The following ELMO1 variants were observed in gnomAD, a reference collection of about 807,000 sequenced individuals.
The protein encoded by ELMO1 is engulfment and cell motility protein 1.
A neutral mutation model predicts 98.9 loss-of-function variants in ELMO1; 26 were observed. The ratio of observed to expected loss-of-function variants is 0.26; its 90% CI spans 0.19 to 0.36. The LOEUF (loss-of-function observed/expected upper bound fraction) is 0.36. Among genes scored for constraint, ELMO1 ranks in the 10% least tolerant of loss-of-function variants. The probability of loss-of-function intolerance (pLI) is 1.00; values close to 1 mark genes in which losing one functional copy is unlikely to be tolerated. For synonymous variants in ELMO1, 346 were observed against 346.0 expected (o/e 1.00, Z 0.00); for missense variants, 627 against 935.2 (o/e 0.67, Z 4.30).
At chr7:36,863,659 GC>G (rs1158585251) in intron 20 of ELMO1, among the ~76,000 whole-genome samples, 1 of 152,154 alleles carries the variant, frequency 6.6e-6, no homozygotes, top group Non-Finnish European at 1.5e-5. Context: ...ATTATAGGGA[GC>G]CAAAGTTAAG....
chr7:37,193,071 C>T (rs1791736606), intron 13 of ELMO1, among the ~76,000 whole-genome samples: 1 of 147,838 alleles, frequency 6.8e-6, no homozygotes, highest in South Asian at 2.1e-4. Flanking sequence ...CAAAACAAAA[C>T]ATTGCAGATG....
intron 6 of ELMO1, among the ~76,000 whole-genome samples, chr7:37,253,764 G>A (rs1795489812): frequency 2.6e-5 from 4 of 151,492 alleles, no homozygotes; most frequent in Admixed American, 6.6e-5. Flanking sequence ...GGTAATGAGG[G>A]GCGGGCAAGT....
At chr7:37,292,490 T>C (rs1797755027) in intron 4 of ELMO1, among the ~76,000 whole-genome samples, 1 of 50,074 alleles carries the variant, frequency 2.0e-5, no homozygotes, top group Non-Finnish European at 6.2e-5. Flanking sequence ...CGCCATCCCA[T>C]CTAGGAAGTG....
chr7:37,276,090 G>A (rs1459492719), intron 4 of ELMO1, among the ~76,000 whole-genome samples: 1 of 152,166 alleles, frequency 6.6e-6, no homozygotes, highest in African/African-American at 2.4e-5. Flanking sequence ...GGGAAAACCT[G>A]GTGCAAGTGG....
intron 1 of ELMO1, among the ~76,000 whole-genome samples, chr7:37,415,862 A>C (rs1263076890): frequency 6.6e-6 from 1 of 152,248 alleles, no homozygotes; most frequent in African/African-American, 2.4e-5. Flanking sequence ...GTACATTAAA[A>C]ATAAATAATA....
chr7:36,973,527 T>C (rs914660126), intron 16 of ELMO1, among the ~76,000 whole-genome samples: 4 of 152,128 alleles, frequency 2.6e-5, no homozygotes, highest in Admixed American at 1.3e-4. Flanking sequence ...TCTTGAACTA[T>C]GGAAGCCACA....
chr7:36,858,716 G>A (rs1397996211), intron 21 of ELMO1, among the ~76,000 whole-genome samples: 2 of 152,176 alleles, frequency 1.3e-5, no homozygotes, highest in African/African-American at 2.4e-5. Flanking sequence ...ATCTGAGTAC[G>A]AAAGAGGAGG....
intron 1 of ELMO1, among the ~76,000 whole-genome samples, chr7:37,364,547 C>A (rs1181775700): frequency 6.6e-6 from 1 of 151,092 alleles, no homozygotes; most frequent in African/African-American, 2.4e-5. Flanking sequence ...CTTGTAGGTT[C>A]TAGAAGGCAT....
At chr7:37,172,193 T>G (rs561296053) in intron 13 of ELMO1, among the ~76,000 whole-genome samples, 2 of 152,120 alleles carry the variant, frequency 1.3e-5, no homozygotes, top group African/African-American at 2.4e-5. Context: ...GAGTTTTAAT[T>G]TTAGATGGCT....
intron 5 of ELMO1, among the ~76,000 whole-genome samples, chr7:37,260,567 G>C (rs949463803): frequency 1.3e-5 from 2 of 151,786 alleles, no homozygotes; most frequent in Non-Finnish European, 2.9e-5. Context: ...CTCCCTCCCT[G>C]CCCAGTTCTC....
At chr7:37,109,595 GGGCCTCCA>G (rs953734428) in intron 14 of ELMO1, among the ~76,000 whole-genome samples, 4 of 152,140 alleles carry the variant, frequency 2.6e-5, no homozygotes, top group Non-Finnish European at 5.9e-5. Context: ...ATCTGTGAAG[GGGCCTCCA>G]GGCTCAGCAT....
At chr7:37,241,534 C>T (rs1390969206) in intron 7 of ELMO1, among the ~76,000 whole-genome samples, 1 of 152,108 alleles carries the variant, frequency 6.6e-6, no homozygotes, top group Non-Finnish European at 1.5e-5. Context: ...TTGAAGTCAA[C>T]CAACTTGTTT....
chr7:37,310,489 G>A (rs979501875), intron 4 of ELMO1, among the ~76,000 whole-genome samples: 9 of 152,144 alleles, frequency 5.9e-5, no homozygotes, highest in African/African-American at 1.7e-4. Flanking sequence ...CATACCAAAG[G>A]CAAATATAAA....
At chr7:36,857,761 T>C (rs1005786820) in intron 21 of ELMO1, among the ~76,000 whole-genome samples, 8 of 152,216 alleles carry the variant, frequency 5.3e-5, no homozygotes, top group South Asian at 2.1e-4. Context: ...AACCACTGCA[T>C]CGTGGTGTGC....
intron 18 of ELMO1, among the ~76,000 whole-genome samples, chr7:36,883,407 A>G (rs1804653910): frequency 6.6e-6 from 1 of 152,142 alleles, no homozygotes; most frequent in South Asian, 2.1e-4. Flanking sequence ...GGCTGGTATC[A>G]TTTCGATCTG....
chr7:37,407,181 G>A (rs1339061471), intron 1 of ELMO1, among the ~76,000 whole-genome samples: 3 of 152,118 alleles, frequency 2.0e-5, no homozygotes. Context: ...ACAGTATTGG[G>A]AGATAAAAAG....
intron 4 of ELMO1, among the ~76,000 whole-genome samples, chr7:37,297,524 T>G (rs561643216): frequency 2.0e-5 from 3 of 151,942 alleles, no homozygotes; most frequent in Non-Finnish European, 2.9e-5. Flanking sequence ...GACTCATCAT[T>G]CAACTTTTAT....
At chr7:37,220,539 A>C (rs1287980630) in intron 10 of ELMO1, among the ~76,000 whole-genome samples, 2 of 152,176 alleles carry the variant, frequency 1.3e-5, no homozygotes, top group African/African-American at 2.4e-5. Flanking sequence ...ATAGTTTTCA[A>C]AGAAAGACTT....
Position 37,313,626 on chromosome 7 carries a change from G to C in ELMO1, c.192+1224C>G, listed in dbSNP as rs111552222. Among the ~76,000 whole-genome samples, 45 of 152,298 alleles carry C rather than the reference G, an allele frequency of 3.0e-4. 1 individual carries two copies. The highest frequency in any genetic ancestry group is 6.8e-3 in the Middle Eastern group (2 of 294). On this transcript the variant is annotated intron_variant, in intron 4 of 21. Coordinates refer to ENST00000310758, the MANE Select transcript of ELMO1 (RefSeq NM_014800.11). ...TTCCCAGTGTTCATCTGGGAAGAAC[G>C]AAGCAATTTCTGAGAAGCATTCAGG...
Sources: gnomAD v4.1 joint callset for allele counts (sites outside exome capture counted in the v4.1 genomes callset) on GRCh38, gnomAD v4.1.1 for gene constraint, MANE v1.5 for transcripts, NCBI Gene and HGNC (gene_info 2026-07-23, HGNC 2026-07-21) for gene names.